The following CTNNA2 variants were observed in gnomAD, a reference collection of about 807,000 sequenced individuals.
The protein encoded by CTNNA2 is catenin alpha-2.
Under a neutral mutation model 101.0 loss-of-function variants are expected in CTNNA2, and 42 were observed. That is an observed-to-expected ratio of 0.42 (90% CI 0.32 to 0.54). The LOEUF is 0.54. Ranked by LOEUF, CTNNA2 falls within the 20% of genes least tolerant of loss-of-function variation. The pLI is 0.14. For missense variants in CTNNA2, 871 were observed against 1,223.1 expected, an observed-to-expected ratio of 0.71 and a Z score of 4.29; for synonymous variants, 450 against 456.4, an observed-to-expected ratio of 0.99 and a Z score of 0.18.
chr2:79,789,309 G>T (rs774135232), intron 3 of CTNNA2, among the ~76,000 whole-genome samples: 2 of 152,162 alleles, frequency 1.3e-5, no homozygotes, highest in Non-Finnish European at 2.9e-5. Flanking sequence ...AGAGATTTGA[G>T]AAGGCACAAT....
At chr2:80,574,115 T>G (rs1694832849) in intron 12 of CTNNA2, 48 bp from the exon 13 acceptor site, 1 of 1,574,332 alleles carries the variant, frequency 6.4e-7, no homozygotes, top group South Asian at 1.1e-5. Context: ...GAATAAGAGG[T>G]AGTGAGAGAG....
intron 14 of CTNNA2, among the ~76,000 whole-genome samples, chr2:80,588,310 A>G (rs1696147217): frequency 6.6e-6 from 1 of 152,194 alleles, no homozygotes; most frequent in Non-Finnish European, 1.5e-5. Context: ...AACAAAAAGC[A>G]CAAAGATATG....
chr2:80,210,031 A>C (rs1707787632), intron 7 of CTNNA2, among the ~76,000 whole-genome samples: 1 of 152,156 alleles, frequency 6.6e-6, no homozygotes, highest in South Asian at 2.1e-4. Context: ...GAATAAATAT[A>C]TGTAAATACA....
intron 2 of CTNNA2, among the ~76,000 whole-genome samples, chr2:79,297,793 C>T (rs1278019554): frequency 6.6e-6 from 1 of 152,174 alleles, no homozygotes; most frequent in Non-Finnish European, 1.5e-5. Flanking sequence ...TGCTTTAACT[C>T]TAATCACTCT....
At chr2:79,687,819 G>A (rs1684039499) in intron 2 of CTNNA2, 1 of 442,046 alleles carries the variant, frequency 2.3e-6, no homozygotes, top group Non-Finnish European at 4.0e-6. Context: ...TCACACTTAG[G>A]GTTTCTGGCA....
chr2:80,171,140 T>C (rs755426694), intron 7 of CTNNA2, among the ~76,000 whole-genome samples: 1 of 152,236 alleles, frequency 6.6e-6, no homozygotes, highest in African/African-American at 2.4e-5. Context: ...ATATCTGTTT[T>C]AACATTTTAG....
chr2:80,453,188 C>T (rs1211851315), intron 9 of CTNNA2, among the ~76,000 whole-genome samples: 1 of 152,030 alleles, frequency 6.6e-6, no homozygotes, highest in Non-Finnish European at 1.5e-5. Flanking sequence ...ATCAAATCTC[C>T]TAACACACCG....
chr2:79,849,070 G>A (rs1052560514), intron 3 of CTNNA2, among the ~76,000 whole-genome samples: 6 of 152,198 alleles, frequency 3.9e-5, no homozygotes, highest in South Asian at 4.1e-4. Context: ...GTTTTCATCC[G>A]GATCTGAAAT....
chr2:79,196,669 T>C (rs530635479), intron 1 of CTNNA2, among the ~76,000 whole-genome samples: 1 of 152,338 alleles, frequency 6.6e-6, no homozygotes, highest in African/African-American at 2.4e-5. Flanking sequence ...ATTAAGACCT[T>C]TGTAGAGGTT....
At chr2:79,981,502 G>A (rs1238603704) in intron 7 of CTNNA2, among the ~76,000 whole-genome samples, 2 of 152,058 alleles carry the variant, frequency 1.3e-5, no homozygotes, top group South Asian at 2.1e-4. Context: ...CATGAAAATA[G>A]GAAAGAACTA....
chr2:79,851,227 G>A (rs531580230), intron 3 of CTNNA2, among the ~76,000 whole-genome samples: 1 of 152,312 alleles, frequency 6.6e-6, no homozygotes, highest in East Asian at 1.9e-4. Flanking sequence ...TAACATTTAA[G>A]TTTGTTTTGT....
intron 4 of CTNNA2, among the ~76,000 whole-genome samples, chr2:79,384,078 C>A (rs1448375885): frequency 1.3e-5 from 2 of 152,232 alleles, no homozygotes; most frequent in African/African-American, 2.4e-5. Flanking sequence ...ATTTAGCAAC[C>A]AAGATAGGCA....
chr2:80,029,711 T>C (rs1271842035), intron 7 of CTNNA2, among the ~76,000 whole-genome samples: 1 of 151,746 alleles, frequency 6.6e-6, no homozygotes, highest in African/African-American at 2.4e-5. Context: ...GAATCTACTT[T>C]GGCTACATCT....
intron 15 of CTNNA2, among the ~76,000 whole-genome samples, chr2:80,592,274 G>GA: frequency 6.6e-6 from 1 of 151,972 alleles, no homozygotes; most frequent in East Asian, 1.9e-4. Context: ...CTCAGCTTAG[G>GA]GAGCGCTTTA....
At chr2:80,317,724 G>T (rs182954243) in intron 7 of CTNNA2, among the ~76,000 whole-genome samples, 1 of 152,030 alleles carries the variant, frequency 6.6e-6, no homozygotes, top group Non-Finnish European at 1.5e-5. Flanking sequence ...CAGAAATCTC[G>T]TTTTGTATGT....
chr2:79,852,850 A>G (rs1003434696), intron 3 of CTNNA2, among the ~76,000 whole-genome samples: 5 of 152,074 alleles, frequency 3.3e-5, no homozygotes, highest in African/African-American at 1.2e-4. Flanking sequence ...TCAGCCTCCC[A>G]AAGTGTTGGG....
chr2:79,405,256 A>C (rs1678329292), intron 4 of CTNNA2, among the ~76,000 whole-genome samples: 1 of 152,042 alleles, frequency 6.6e-6, no homozygotes, highest in Non-Finnish European at 1.5e-5. Flanking sequence ...TCTGTCAACA[A>C]CCTGAGAGAA....
At chr2:79,368,671 G>A (rs1303079182) in intron 3 of CTNNA2, among the ~76,000 whole-genome samples, 3 of 152,112 alleles carry the variant, frequency 2.0e-5, no homozygotes, top group Admixed American at 6.5e-5. Context: ...AGAGTGGGAG[G>A]TGGCACACAC....
chr2:80,628,304 C>A (rs183024003), intron 18 of CTNNA2, among the ~76,000 whole-genome samples: 6 of 152,036 alleles, frequency 3.9e-5, no homozygotes, highest in Non-Finnish European at 5.9e-5. Context: ...GCCCACATAG[C>A]CAAGACAATC....
Sources: allele counts gnomAD v4.1 joint callset (sites outside exome capture counted in the v4.1 genomes callset), GRCh38; gene constraint gnomAD v4.1.1; transcripts MANE v1.5; gene names NCBI Gene and HGNC (gene_info 2026-07-23, HGNC 2026-07-21).